REDIC1: variants seen among roughly 807,000 people sequenced by gnomAD.
The protein encoded by REDIC1 is HEI10 Interacting Protein 1.
chr12:39,782,136 A>T, the REDIC1 span, among the ~76,000 whole-genome samples: 5 of 152,160 alleles, frequency 3.3e-5, no homozygotes, highest in Admixed American at 2.0e-4. Context: ...GGGAAAGCAT[A>T]TTTTAACTTA....
At chr12:39,667,554 G>A in the REDIC1 span, among the ~76,000 whole-genome samples, 1 of 152,216 alleles carries the variant, frequency 6.6e-6, no homozygotes, top group Non-Finnish European at 1.5e-5. Flanking sequence ...TTGATTTGGG[G>A]TGGAGAGTTC....
At chr12:39,826,261 T>C in the REDIC1 span, among the ~76,000 whole-genome samples, 2 of 151,950 alleles carry the variant, frequency 1.3e-5, no homozygotes. Flanking sequence ...TGTTTTTGTT[T>C]TTTTGACTTA....
the REDIC1 span, among the ~76,000 whole-genome samples, chr12:39,753,712 T>A: frequency 3.9e-5 from 6 of 152,152 alleles, 1 homozygote; most frequent in Non-Finnish European, 5.9e-5. Context: ...GGATAGGATA[T>A]GGATGATGAA....
the REDIC1 span, among the ~76,000 whole-genome samples, chr12:39,713,685 G>A: frequency 2.1e-5 from 3 of 144,544 alleles, no homozygotes; most frequent in Non-Finnish European, 4.5e-5. Context: ...ATGTATGCCT[G>A]TATACATGCG....
At chr12:39,717,743 A>G in the REDIC1 span, among the ~76,000 whole-genome samples, 1 of 152,136 alleles carries the variant, frequency 6.6e-6, no homozygotes, top group South Asian at 2.1e-4. Context: ...AGAAAGGTCT[A>G]TGTCGTAAAG....
the REDIC1 span, chr12:39,683,127 C>A: frequency 1.9e-6 from 3 of 1,596,278 alleles, no homozygotes; most frequent in South Asian, 3.4e-5. Flanking sequence ...ACCCAAGCAG[C>A]TCTGAAAGAA....
At chr12:39,645,475 G>C in the REDIC1 span, among the ~76,000 whole-genome samples, 1 of 152,008 alleles carries the variant, frequency 6.6e-6, no homozygotes, top group Admixed American at 6.6e-5. Context: ...TTTCACTTCA[G>C]TCATTAACTT....
chr12:39,753,015 C>G, the REDIC1 span, among the ~76,000 whole-genome samples: 18 of 152,328 alleles, frequency 1.2e-4, no homozygotes, highest in Middle Eastern at 3.4e-3. Context: ...TTGTAACACA[C>G]TCAGGTGATG....
chr12:39,741,899 G>C, the REDIC1 span, among the ~76,000 whole-genome samples: 1 of 152,312 alleles, frequency 6.6e-6, no homozygotes, highest in African/African-American at 2.4e-5. Flanking sequence ...GACCTGTTTA[G>C]CTAGACTGAT....
At chr12:39,702,608 A>G in the REDIC1 span, among the ~76,000 whole-genome samples, 7 of 152,160 alleles carry the variant, frequency 4.6e-5, no homozygotes, top group Non-Finnish European at 7.4e-5. Flanking sequence ...TCCTGATACC[A>G]AAGCCGGGCA....
the REDIC1 span, among the ~76,000 whole-genome samples, chr12:39,797,727 AACACAC>A: frequency 1.5e-4 from 13 of 84,064 alleles, no homozygotes; most frequent in African/African-American, 3.1e-4. Flanking sequence ...AGTTATGGTA[AACACAC>A]ACACACACAC....
At chr12:39,735,998 A>G in the REDIC1 span, among the ~76,000 whole-genome samples, 1 of 152,246 alleles carries the variant, frequency 6.6e-6, no homozygotes, top group Non-Finnish European at 1.5e-5. Context: ...GAGACAGACC[A>G]TCACAAAAAG....
chr12:39,754,763 C>T, the REDIC1 span, among the ~76,000 whole-genome samples: 1 of 152,034 alleles, frequency 6.6e-6, no homozygotes, highest in Admixed American at 6.6e-5. Context: ...ATAATTATTA[C>T]TTCAAGGGTT....
the REDIC1 span, chr12:39,640,887 TA>T: frequency 1.8e-6 from 2 of 1,121,458 alleles, no homozygotes; most frequent in Non-Finnish European, 1.3e-6. Flanking sequence ...TCAATTAAGC[TA>T]AACTGGCAGT....
the REDIC1 span, among the ~76,000 whole-genome samples, chr12:39,682,227 T>C: frequency 6.6e-6 from 1 of 152,150 alleles, no homozygotes; most frequent in African/African-American, 2.4e-5. Flanking sequence ...GTGATAAATT[T>C]TCTCTGCACA....
At chr12:39,903,084 A>C in the REDIC1 span, among the ~76,000 whole-genome samples, 10 of 152,178 alleles carry the variant, frequency 6.6e-5, no homozygotes, top group Non-Finnish European at 1.3e-4. Flanking sequence ...ACATCGTAAT[A>C]ATGAGTCCAA....
the REDIC1 span, among the ~76,000 whole-genome samples, chr12:39,861,996 G>A: frequency 2.0e-5 from 3 of 152,162 alleles, no homozygotes; most frequent in Admixed American, 6.5e-5. Context: ...AGCCCCGCAT[G>A]CATTAGCTAT....
At chr12:39,882,220 C>T in the REDIC1 span, among the ~76,000 whole-genome samples, 2,203 of 152,248 alleles carry the variant, frequency 0.014, 28 homozygotes, top group Middle Eastern at 0.034. Flanking sequence ...TACAGGATCT[C>T]CTGGAAGACT....
the REDIC1 span, chr12:39,721,238 A>G: frequency 4.3e-6 from 7 of 1,612,256 alleles, no homozygotes; most frequent in Admixed American, 5.0e-5. Flanking sequence ...CAGGAAATCC[A>G]TAAGAACAAC....
Sources: allele counts gnomAD v4.1 joint callset (sites outside exome capture counted in the v4.1 genomes callset), GRCh38; gene constraint gnomAD v4.1.1; transcripts MANE v1.5; gene names NCBI Gene and HGNC (gene_info 2026-07-23, HGNC 2026-07-21).